LNPEP: variants seen among roughly 807,000 people sequenced by gnomAD.
LNPEP encodes the protein leucyl and cystinyl aminopeptidase, also known as leucyl-cystinyl aminopeptidase.
A neutral mutation model predicts 120.6 loss-of-function variants in LNPEP; 64 were observed. The observed-to-expected ratio is 0.53, with a 90% CI of 0.43 to 0.65. The LOEUF is 0.65. Among genes scored for constraint, LNPEP ranks in the 30% least tolerant of loss-of-function variants. The pLI is 0.00. For missense variants in LNPEP, 1,057 were observed against 1,200.0 expected, an observed-to-expected ratio of 0.88 and a Z score of 1.76; for synonymous variants, 435 against 425.4, an observed-to-expected ratio of 1.02 and a Z score of -0.28.
intron 1 of LNPEP, among the ~76,000 whole-genome samples, chr5:96,946,316 G>T (rs1256520665): frequency 6.6e-6 from 1 of 152,220 alleles, no homozygotes; most frequent in Non-Finnish European, 1.5e-5. Context: ...ATACTGAGAG[G>T]CTTGGTAGCA....
Position 97,005,996 on chromosome 5 carries a change from A to C in LNPEP, c.1786-77A>C, listed in dbSNP as rs1467417726. 3 of 379,740 alleles carry C rather than the reference A, an allele frequency of 7.9e-6. No homozygotes were observed. The Admixed American group carries it at 1.5e-4, about 19-fold the overall frequency. The allele number at this position is 379,740 out of a possible 1,614,324, so 23.5% of individuals were successfully genotyped here. Reference sequence around the variant, plus strand: ...GGAAAAGAGGGAAGGGTACAGATAAATTAAAATGTAAAATTTTTTAAACCA... The same window carrying C: ...GGAAAAGAGGGAAGGGTACAGATAACTTAAAATGTAAAATTTTTTAAACCA... On this transcript the variant is annotated intron_variant, in intron 9 of 17. Transcript: ENST00000231368.
At chr5:97,017,564 T>G (rs897671532) in intron 13 of LNPEP, among the ~76,000 whole-genome samples, 1 of 152,190 alleles carries the variant, frequency 6.6e-6, no homozygotes, top group Non-Finnish European at 1.5e-5. Context: ...TACATTTAGA[T>G]CTGTGATCCA....
chr5:96,954,688 A>G (rs1362725150), intron 1 of LNPEP, among the ~76,000 whole-genome samples: 2 of 61,614 alleles, frequency 3.2e-5, no homozygotes, highest in Non-Finnish European at 7.5e-5. Flanking sequence ...ATATATACAT[A>G]TATACACATA....
At chr5:96,948,120 CTTTTT>C (rs769737708) in intron 1 of LNPEP, among the ~76,000 whole-genome samples, 1 of 142,708 alleles carries the variant, frequency 7.0e-6, no homozygotes. Flanking sequence ...ACAAATTTCT[CTTTTT>C]TTTTTTTTTT....
At chr5:97,019,201 T>C (rs1275871946) in intron 13 of LNPEP, among the ~76,000 whole-genome samples, 2 of 152,224 alleles carry the variant, frequency 1.3e-5, no homozygotes, top group African/African-American at 4.8e-5. Context: ...TTGTAGCTTG[T>C]ATAACCCATC....
At chr5:96,962,931 C>T (rs549296973) in intron 1 of LNPEP, among the ~76,000 whole-genome samples, 20 of 152,184 alleles carry the variant, frequency 1.3e-4, no homozygotes, top group African/African-American at 4.6e-4. Context: ...CGTGCTAGGA[C>T]CCCAGGCAGA....
chr5:97,034,168 T>G lies in LNPEP; in HGVS notation c.*5635T>G, dbSNP rs1791526322. 1 of 152,098 alleles carries G rather than the reference T, an allele frequency of 6.6e-6. No homozygotes were observed. Among genetic ancestry groups the G allele is most frequent in the Non-Finnish European group, 1.5e-5 (1 of 68,006 alleles). The allele number at this position is 152,098 out of a possible 1,614,324, so 9.4% of individuals were successfully genotyped here. On this transcript the variant is annotated 3_prime_UTR_variant, in exon 18 of 18. Coordinates refer to ENST00000231368, the MANE Select transcript of LNPEP (RefSeq NM_005575.3). Reference sequence around the variant, plus strand: ...ATAGAGTAGTATAGATGGTTTTTCTTTTTTATCCATCTGCCTATCTCCAGG... The same window carrying G: ...ATAGAGTAGTATAGATGGTTTTTCTGTTTTATCCATCTGCCTATCTCCAGG...
At chr5:97,006,636 T>C in intron 11 of LNPEP, 121 bp downstream of exon 11, 1 of 655,170 alleles carries the variant, frequency 1.5e-6, no homozygotes, top group East Asian at 2.9e-5. Flanking sequence ...ATGAGTTGCA[T>C]ATGCAAGATG....
At chr5:97,018,358 T>C (rs1791114487) in intron 13 of LNPEP, among the ~76,000 whole-genome samples, 1 of 152,042 alleles carries the variant, frequency 6.6e-6, no homozygotes, top group South Asian at 2.1e-4. Flanking sequence ...ACTTGATACT[T>C]ACCTCTTCTT....
chr5:96,973,043 T>C (rs530395032), intron 1 of LNPEP, among the ~76,000 whole-genome samples: 16 of 152,294 alleles, frequency 1.1e-4, no homozygotes, highest in African/African-American at 3.8e-4. Flanking sequence ...TCATATTTTA[T>C]GCCACTGCTT....
intron 13 of LNPEP, among the ~76,000 whole-genome samples, chr5:97,018,843 T>C (rs1055312323): frequency 6.6e-6 from 1 of 152,228 alleles, no homozygotes; most frequent in Non-Finnish European, 1.5e-5. Flanking sequence ...CATTTTGTGA[T>C]GCTGTAGTGT....
chr5:96,978,057 A>T lies in LNPEP; in HGVS notation c.20-1081A>T, dbSNP rs115182004. ...ACTTGCCATTTTATAGGATTGTTGT[A>T]AGGGTTAGAAATGATAGGTATAAAG... On this transcript the variant is annotated intron_variant, in intron 1 of 17. Transcript: ENST00000231368. Among the ~76,000 whole-genome samples the T allele has an allele frequency of 4.6e-3, 705 of 152,218 alleles. 6 individuals are homozygous for T. The highest frequency in any genetic ancestry group is 0.016 in the African/African-American group (681 of 41,534).
Position 96,985,011 on chromosome 5 carries a change from T to C in LNPEP, c.861-69T>C, listed in dbSNP as rs990996597. ...TAGGATTGTAACATATTTATCTTAG[T>C]ATACTTGGCAGGGTGCCTTGTACAG... On this transcript the variant is annotated intron_variant, in intron 2 of 17. Coordinates refer to ENST00000231368, the MANE Select transcript of LNPEP (RefSeq NM_005575.3). 20 of 1,510,656 alleles carry C rather than the reference T, an allele frequency of 1.3e-5. No homozygotes were observed. The African/African-American group carries it at 2.4e-4, about 18-fold the overall frequency. 93.6% of individuals were successfully genotyped at this position (1,510,656 alleles called of 1,614,324 possible). A position where few individuals can be genotyped will look rare whatever the true frequency, so the allele number is the denominator to read the frequency against.
chr5:96,942,561 C>T (rs952193939), intron 1 of LNPEP, among the ~76,000 whole-genome samples: 3 of 148,220 alleles, frequency 2.0e-5, no homozygotes, highest in Non-Finnish European at 4.4e-5. Flanking sequence ...GGCTGAGGCA[C>T]AAGAATCACT....
intron 2 of LNPEP, among the ~76,000 whole-genome samples, chr5:96,984,449 G>C (rs1355630040): frequency 2.0e-5 from 3 of 152,120 alleles, no homozygotes; most frequent in African/African-American, 7.2e-5. Context: ...GCTAAATCAC[G>C]GAGGTTTGGG....
rs749348736 is a variant in LNPEP, at chr5:96,979,573, A to G, written c.455A>G (p.Gln152Arg). 2 of 1,614,082 alleles carry G rather than the reference A, an allele frequency of 1.2e-6. No individual in the cohort carries two copies. The highest frequency in any genetic ancestry group is 3.3e-5 in the Admixed American group (2 of 60,002). ...AAAAACCAGTCAATTGGACTAATTC[A>G]GCCATTTGCAACAAATGGGAAATTG... ...HKKNQSIGLI[Q>R]PFATNGKLFP... is the part of the protein sequence containing the mutation. Residue 152 changes from glutamine to arginine, a missense_variant, in exon 2 of 18, where the codon CAG becomes CGG. Physicochemically the swap from Gln to Arg is conservative, Grantham distance 43 (BLOSUM62 1). Coordinates refer to ENST00000231368, the MANE Select transcript of LNPEP (RefSeq NM_005575.3).
At chr5:96,985,308 G>C (rs1462029407) in intron 3 of LNPEP, 90 bp downstream of exon 3, 1 of 1,070,588 alleles carries the variant, frequency 9.3e-7, no homozygotes, top group Admixed American at 2.6e-5. Flanking sequence ...CTACAGTTGA[G>C]AATGATTAAA....
chr5:97,025,687 C>T (rs867698199), intron 15 of LNPEP, among the ~76,000 whole-genome samples: 4 of 152,294 alleles, frequency 2.6e-5, no homozygotes, highest in East Asian at 1.9e-4. Flanking sequence ...TACACACATA[C>T]CTACATATTT....
chr5:96,993,247 C>G, intron 5 of LNPEP, 112 bp downstream of exon 5: 1 of 687,122 alleles, frequency 1.5e-6, no homozygotes, highest in Non-Finnish European at 2.4e-6. Flanking sequence ...AAACCAAAAA[C>G]CATTATTAAT....
Sources: gnomAD v4.1 joint callset for allele counts (sites outside exome capture counted in the v4.1 genomes callset) on GRCh38, gnomAD v4.1.1 for gene constraint, MANE v1.5 for transcripts, NCBI Gene and HGNC (gene_info 2026-07-23, HGNC 2026-07-21) for gene names.